The following PTPRD variants were observed in gnomAD, a reference collection of about 807,000 sequenced individuals.
PTPRD encodes the protein receptor-type tyrosine-protein phosphatase delta.
A neutral mutation model predicts 214.5 loss-of-function variants in PTPRD; 34 were observed. The observed-to-expected ratio is 0.16, with a 90% CI of 0.12 to 0.21. The LOEUF is 0.21. Among genes scored for constraint, PTPRD ranks in the 10% least tolerant of loss-of-function variants. The pLI is 1.00. For missense variants in PTPRD, 2,545 were observed against 2,398.7 expected, an observed-to-expected ratio of 1.06 and a Z score of -1.27; for synonymous variants, 1,128 against 845.7, an observed-to-expected ratio of 1.33 and a Z score of -5.79.
chr9:8,453,094 G>A (rs1412577341), intron 33 of PTPRD, among the ~76,000 whole-genome samples: 1 of 152,190 alleles, frequency 6.6e-6, no homozygotes, highest in African/African-American at 2.4e-5. Context: ...GAGATTAGAA[G>A]AGGATGTCTA....
At chr9:9,710,604 GT>G (rs141919133) in intron 7 of PTPRD, among the ~76,000 whole-genome samples, 8,313 of 147,218 alleles carry the variant, frequency 0.056, 581 homozygotes, top group East Asian at 0.37. Flanking sequence ...CATCTATTCT[GT>G]TTTTTTTTTA....
At chr9:10,509,389 G>T (rs998758874) in intron 2 of PTPRD, among the ~76,000 whole-genome samples, 1 of 150,594 alleles carries the variant, frequency 6.6e-6, no homozygotes, top group Non-Finnish European at 1.5e-5. Flanking sequence ...CTTATGTTAC[G>T]GTTATTTTAC....
rs184527811 is a variant in PTPRD at position 9,689,756 on chromosome 9, G to C, written c.-287+44777C>G. On this transcript the variant is annotated intron_variant, in intron 7 of 45. Coordinates refer to ENST00000381196, the MANE Select transcript of PTPRD (RefSeq NM_002839.4). ...GTACAATATTTGTCTTTTTGTGTTT[G>C]GCTTATTTCACTGAACATAATGACC... is the stretch of plus-strand genomic sequence containing the variant. Among the ~76,000 whole-genome samples, 445 of 151,866 alleles carry C rather than the reference G, an allele frequency of 2.9e-3. 2 individuals carry two copies. Among genetic ancestry groups the C allele is most frequent in the Middle Eastern group, 0.02 (6 of 294 alleles).
intron 39 of PTPRD, among the ~76,000 whole-genome samples, chr9:8,358,650 T>C (rs1013044602): frequency 6.6e-6 from 1 of 152,190 alleles, no homozygotes. Flanking sequence ...CAGTACTCTT[T>C]TTTCTATGAA....
chr9:8,842,644 G>C (rs1053214500), intron 11 of PTPRD, among the ~76,000 whole-genome samples: 2 of 152,110 alleles, frequency 1.3e-5, no homozygotes, highest in African/African-American at 4.8e-5. Flanking sequence ...CCACCAAACT[G>C]TCAGGGGTGG....
intron 10 of PTPRD, among the ~76,000 whole-genome samples, chr9:9,177,398 G>C (rs72696833): frequency 3.9e-5 from 6 of 152,036 alleles, no homozygotes; most frequent in African/African-American, 1.2e-4. Flanking sequence ...ACCATATCAC[G>C]ACCCTAATTG....
intron 11 of PTPRD, among the ~76,000 whole-genome samples, chr9:8,820,410 T>G (rs1202622507): frequency 6.6e-6 from 1 of 152,052 alleles, no homozygotes; most frequent in Non-Finnish European, 1.5e-5. Context: ...TTGAAGAGAG[T>G]ATATTTAAAT....
At chr9:9,528,941 T>TC (rs199606773) in intron 8 of PTPRD, among the ~76,000 whole-genome samples, 4,343 of 148,796 alleles carry the variant, frequency 0.029, 232 homozygotes, top group African/African-American at 0.1. Context: ...TTTGTTTCTT[T>TC]TTTTTTTTTT....
intron 8 of PTPRD, among the ~76,000 whole-genome samples, chr9:9,559,033 C>T (rs1401781836): frequency 6.6e-6 from 1 of 152,174 alleles, no homozygotes; most frequent in Non-Finnish European, 1.5e-5. Context: ...ACGTTCCAGT[C>T]CGGGGGGGTA....
At chr9:8,336,799 A>T (rs955007722) in intron 43 of PTPRD, among the ~76,000 whole-genome samples, 1 of 152,202 alleles carries the variant, frequency 6.6e-6, no homozygotes, top group African/African-American at 2.4e-5. Context: ...AAGGATATGA[A>T]CAGACACTTC....
intron 9 of PTPRD, among the ~76,000 whole-genome samples, chr9:9,367,021 A>T (rs1294274093): frequency 6.6e-6 from 1 of 151,278 alleles, no homozygotes; most frequent in African/African-American, 2.4e-5. Context: ...GGATATTGTA[A>T]TACATTGAAA....
At chr9:8,652,758 C>A (rs914308148) in intron 12 of PTPRD, among the ~76,000 whole-genome samples, 1 of 152,056 alleles carries the variant, frequency 6.6e-6, no homozygotes, top group Non-Finnish European at 1.5e-5. Flanking sequence ...TTAGTGTCCA[C>A]AGATCATGAT....
intron 7 of PTPRD, among the ~76,000 whole-genome samples, chr9:9,620,828 G>A (rs1437297337): frequency 6.6e-6 from 1 of 151,310 alleles, no homozygotes; most frequent in East Asian, 1.9e-4. Context: ...TGCCAAGTGA[G>A]GTTGCTAGCT....
intron 2 of PTPRD, among the ~76,000 whole-genome samples, chr9:10,390,018 T>G (rs1185262659): frequency 6.6e-6 from 1 of 151,852 alleles, no homozygotes; most frequent in East Asian, 1.9e-4. Flanking sequence ...GATAATTTTC[T>G]GTTTTTTCTT....
chr9:9,803,185 T>C lies in PTPRD; in HGVS notation c.-367-36334A>G, dbSNP rs573500709. On this transcript the variant is annotated intron_variant, in intron 5 of 45. Coordinates refer to ENST00000381196, the MANE Select transcript of PTPRD (RefSeq NM_002839.4). Reference sequence around the variant, plus strand: ...CACTGAAAATTGTGGTGGTCTAATATTGGAGTAATCTGGGGAAAATACTAA... The same window carrying C: ...CACTGAAAATTGTGGTGGTCTAATACTGGAGTAATCTGGGGAAAATACTAA... Among the ~76,000 whole-genome samples, 142 of 151,694 alleles carry C rather than the reference T, an allele frequency of 9.4e-4. 2 individuals are homozygous for C. The South Asian group carries it at 0.012, about 13-fold the overall frequency.
Position 9,082,344 on chromosome 9 carries a change from A to G in PTPRD, c.-142-63609T>C, listed in dbSNP as rs950442046. Among the ~76,000 whole-genome samples the G allele has an allele frequency of 2.6e-5, 4 of 152,276 alleles. No individual in the cohort carries two copies. The South Asian group carries it at 6.2e-4, about 24-fold the overall frequency. Reference sequence around the variant, plus strand: ...ACATAATCCATCACAAACAGAACCAATGACAAAAATCACGTTTGTCTCAAC... The same window carrying G: ...ACATAATCCATCACAAACAGAACCAGTGACAAAAATCACGTTTGTCTCAAC... On this transcript the variant is annotated intron_variant, in intron 10 of 45. Coordinates refer to ENST00000381196, the MANE Select transcript of PTPRD (RefSeq NM_002839.4).
At chr9:8,612,269 A>G (rs530345366) in intron 14 of PTPRD, among the ~76,000 whole-genome samples, 25 of 152,186 alleles carry the variant, frequency 1.6e-4, no homozygotes, top group Non-Finnish European at 2.8e-4. Context: ...CAGTAAGTAT[A>G]TTTATATTTC....
At position 10,074,856 on chromosome 9, in the gene PTPRD, A is replaced by G. The variant is rs1267113567; in HGVS notation, c.-544-41066T>C. The stretch of plus-strand genomic sequence containing the variant: ...AATGTTGTAATATAGCCACCATTTC[A>G]GGCCTCTAGTAATGATGGAAGCATT... On this transcript the variant is annotated intron_variant, in intron 3 of 45. Coordinates refer to ENST00000381196, the MANE Select transcript of PTPRD (RefSeq NM_002839.4). 2.0e-5 allele frequency among the ~76,000 whole-genome samples: 3 copies of G among 152,286 alleles called. No individual in the cohort carries two copies. The East Asian group carries it at 5.8e-4, about 29-fold the overall frequency.
At chr9:8,630,771 A>G (rs983585859) in intron 14 of PTPRD, among the ~76,000 whole-genome samples, 32 of 151,972 alleles carry the variant, frequency 2.1e-4, no homozygotes, top group Middle Eastern at 3.4e-3. Flanking sequence ...GAGATGATGA[A>G]ACTCCAGCCA....
Sources: gnomAD v4.1 joint callset for allele counts (sites outside exome capture counted in the v4.1 genomes callset) on GRCh38, gnomAD v4.1.1 for gene constraint, MANE v1.5 for transcripts, NCBI Gene and HGNC (gene_info 2026-07-23, HGNC 2026-07-21) for gene names.